Variants in LOC128706666 observed in about 807,000 individuals in gnomAD.
chr20:10,422,812 C>T, the LOC128706666 span, among the ~76,000 whole-genome samples: 8 of 151,484 alleles, frequency 5.3e-5, no homozygotes, highest in Admixed American at 2.0e-4. Flanking sequence ...CCCAGGTTCA[C>T]GCCATTCTCC....
At chr20:10,428,099 G>A in the LOC128706666 span, among the ~76,000 whole-genome samples, 1 of 152,200 alleles carries the variant, frequency 6.6e-6, no homozygotes, top group Non-Finnish European at 1.5e-5. Flanking sequence ...ACTAATTGTA[G>A]GCAGTCTCAA....
chr20:10,420,024 CTT>C, the LOC128706666 span, among the ~76,000 whole-genome samples: 3 of 152,034 alleles, frequency 2.0e-5, no homozygotes, highest in Admixed American at 1.3e-4. Context: ...GTTTTGAGAA[CTT>C]TTTGAATTTT....
the LOC128706666 span, among the ~76,000 whole-genome samples, chr20:10,429,816 A>G: frequency 6.6e-6 from 1 of 152,158 alleles, no homozygotes; most frequent in African/African-American, 2.4e-5. Flanking sequence ...GGTCCTCTCA[A>G]CAGTGCCATT....
chr20:10,421,362 T>C, the LOC128706666 span, among the ~76,000 whole-genome samples: 1 of 148,148 alleles, frequency 6.8e-6, no homozygotes, highest in Middle Eastern at 3.2e-3. Context: ...AGGTGGAGGT[T>C]GCAGTGAGCC....
the LOC128706666 span, among the ~76,000 whole-genome samples, chr20:10,432,996 C>T: frequency 1.3e-5 from 2 of 151,996 alleles, no homozygotes; most frequent in African/African-American, 4.8e-5. Flanking sequence ...ATCTTTTTTC[C>T]CCCAGAATGT....
chr20:10,431,483 G>T, the LOC128706666 span, among the ~76,000 whole-genome samples: 1 of 151,926 alleles, frequency 6.6e-6, no homozygotes, highest in Non-Finnish European at 1.5e-5. Flanking sequence ...AGAAGATAAT[G>T]GGACAATCTT....
chr20:10,414,415 G>A, the LOC128706666 span, among the ~76,000 whole-genome samples: 93 of 152,066 alleles, frequency 6.1e-4, no homozygotes, highest in African/African-American at 2.1e-3. Context: ...ACAGGCATGC[G>A]CCACCATGCC....
chr20:10,432,225 G>T, the LOC128706666 span, among the ~76,000 whole-genome samples: 1 of 152,204 alleles, frequency 6.6e-6, no homozygotes, highest in East Asian at 1.9e-4. Flanking sequence ...CTGTGGGACT[G>T]GTGGAGAACA....
the LOC128706666 span, among the ~76,000 whole-genome samples, chr20:10,418,411 A>G: frequency 6.6e-6 from 1 of 152,206 alleles, no homozygotes; most frequent in South Asian, 2.1e-4. Context: ...GTAATTTTCC[A>G]TAATGAAAAT....
the LOC128706666 span, among the ~76,000 whole-genome samples, chr20:10,430,893 C>T: frequency 6.6e-6 from 1 of 152,194 alleles, no homozygotes; most frequent in African/African-American, 2.4e-5. Flanking sequence ...CATTTTCAGA[C>T]ACGCTGTTGG....
the LOC128706666 span, among the ~76,000 whole-genome samples, chr20:10,428,472 G>A: frequency 2.0e-5 from 3 of 152,196 alleles, no homozygotes; most frequent in African/African-American, 7.2e-5. Context: ...CTATTGGCCA[G>A]AGGACATTAT....
At chr20:10,432,518 C>T in the LOC128706666 span, among the ~76,000 whole-genome samples, 2 of 152,126 alleles carry the variant, frequency 1.3e-5, no homozygotes, top group African/African-American at 2.4e-5. Context: ...GTAGGCCAGA[C>T]GCCGTGGGTC....
the LOC128706666 span, among the ~76,000 whole-genome samples, chr20:10,431,479 T>C: frequency 1.3e-5 from 2 of 152,082 alleles, no homozygotes; most frequent in Non-Finnish European, 2.9e-5. Context: ...TTTGAGAAGA[T>C]AATGGGACAA....
the LOC128706666 span, among the ~76,000 whole-genome samples, chr20:10,429,953 C>T: frequency 6.6e-6 from 1 of 152,132 alleles, no homozygotes; most frequent in African/African-American, 2.4e-5. Flanking sequence ...AATTCTGAAG[C>T]TAAAGTTTGA....
the LOC128706666 span, among the ~76,000 whole-genome samples, chr20:10,423,291 CG>C: frequency 1.3e-5 from 2 of 152,098 alleles, no homozygotes; most frequent in African/African-American, 4.8e-5. Context: ...TGGTGGCGCA[CG>C]CCTGTAGTTC....
At chr20:10,430,038 CAAA>C in the LOC128706666 span, among the ~76,000 whole-genome samples, 1 of 151,890 alleles carries the variant, frequency 6.6e-6, no homozygotes, top group African/African-American at 2.4e-5. Context: ...AAACAAAAAA[CAAA>C]AAAACAAAAA....
chr20:10,417,609 C>T, the LOC128706666 span, among the ~76,000 whole-genome samples: 1 of 151,802 alleles, frequency 6.6e-6, no homozygotes, highest in Admixed American at 6.6e-5. Context: ...GGCCTGTGCC[C>T]AAGAGTTTGA....
chr20:10,421,003 G>T, the LOC128706666 span, among the ~76,000 whole-genome samples: 2 of 152,200 alleles, frequency 1.3e-5, no homozygotes, highest in East Asian at 3.8e-4. Context: ...CAATTGCAAA[G>T]GAGCAACATT....
chr20:10,414,703 G>A, the LOC128706666 span, among the ~76,000 whole-genome samples: 1 of 152,138 alleles, frequency 6.6e-6, no homozygotes, highest in Non-Finnish European at 1.5e-5. Context: ...AGTCATGTTT[G>A]TAAATAATTA....
Sources: gnomAD v4.1 joint callset for allele counts (sites outside exome capture counted in the v4.1 genomes callset) on GRCh38, gnomAD v4.1.1 for gene constraint, MANE v1.5 for transcripts.